The following TP53INP1 variants were observed in gnomAD, a reference collection of about 807,000 sequenced individuals.
TP53INP1 encodes the protein tumor protein p53 inducible nuclear protein 1, also known as tumor protein p53-inducible nuclear protein 1.
A neutral mutation model predicts 21.0 loss-of-function variants in TP53INP1; 12 were observed. The observed-to-expected ratio is 0.57, with a 90% CI of 0.37 to 0.93. The LOEUF is 0.93. TP53INP1 is among the 40% of genes least tolerant of loss of function. TP53INP1 has a pLI of 0.01. For synonymous variants in TP53INP1, 91 were observed against 94.8 expected, an observed-to-expected ratio of 0.96 and a Z score of 0.23; for missense variants, 274 against 294.7, an observed-to-expected ratio of 0.93 and a Z score of 0.51.
At position 94,928,732 on chromosome 8, in the gene TP53INP1, G is replaced by A. The variant is rs1033244243; in HGVS notation, c.*1747C>T. ...ACATTTGACGTCTTCCACTCCAAAC[G>A]CTCTAATCTAGTCAGAAAAGAGCAC... On this transcript the variant is annotated 3_prime_UTR_variant, in exon 4 of 4. Coordinates refer to ENST00000342697, the MANE Select transcript of TP53INP1 (RefSeq NM_033285.4). 4.6e-5 allele frequency: 7 copies of A among 152,182 alleles called. No homozygotes were observed. Among genetic ancestry groups the A allele is most frequent in the Admixed American group, 1.3e-4 (2 of 15,274 alleles). The allele number at this position is 152,182 out of a possible 1,614,324, so 9.4% of individuals were successfully genotyped here. A position where few individuals can be genotyped will look rare whatever the true frequency, so the allele number is the denominator to read the frequency against.
intron 2 of TP53INP1, 102 bp downstream of exon 2, chr8:94,940,728 G>T: frequency 2.5e-6 from 2 of 797,108 alleles, no homozygotes; most frequent in Non-Finnish European, 4.0e-6. Flanking sequence ...TACTTTTAAG[G>T]CTGAAAACCC....
Position 94,940,816 on chromosome 8 carries a change from C to T in TP53INP1, c.112+14G>A. 6.3e-7 allele frequency: 1 copy of T among 1,590,258 alleles called. No individual in the cohort carries two copies. On this transcript the variant is annotated intron_variant, in intron 2 of 3. Transcript: ENST00000342697. Reference sequence around the variant, plus strand: ...CTGTGAAGATGAACCACCAAGTAACCAAGTGTACCTTACCTATGAAGTCAA... The same window carrying T: ...CTGTGAAGATGAACCACCAAGTAACTAAGTGTACCTTACCTATGAAGTCAA...
rs1820171626 is a variant in TP53INP1 at position 94,929,348 on chromosome 8, G to A, written c.*1131C>T. ...AGAGGCCAGAGTGGTTAAAGATTTT[G>A]CCTGAAGTTAAAACAAAAAATGAAA... On this transcript the variant is annotated 3_prime_UTR_variant, in exon 4 of 4. Transcript: ENST00000342697. 1 of 151,896 alleles carries A rather than the reference G, an allele frequency of 6.6e-6. No homozygotes were observed. Among genetic ancestry groups the A allele is most frequent in the African/African-American group, 2.4e-5 (1 of 41,336 alleles). 9.4% of individuals were successfully genotyped at this position (151,896 alleles called of 1,614,324 possible). A position where few individuals can be genotyped will look rare whatever the true frequency, so the allele number is the denominator to read the frequency against.
intron 3 of TP53INP1, 41 bp from the exon 4 acceptor site, chr8:94,930,769 A>G: frequency 6.3e-7 from 1 of 1,595,608 alleles, no homozygotes; most frequent in Non-Finnish European, 8.5e-7. Context: ...ATAACAGAGT[A>G]TGTTATTAAC....
rs181057921 is a variant in TP53INP1 at position 94,940,366 on chromosome 8, C to G, written c.113-146G>C. On this transcript the variant is annotated intron_variant, in intron 2 of 3. Transcript: ENST00000342697. ...AGATGATACTATTAGCTGATGCTCA[C>G]GTATCTTCTTTTATTTAGTTCAGAA... 3.3e-6 allele frequency: 3 copies of G among 915,420 alleles called. No homozygotes were observed. In the Admixed American group the frequency reaches 8.8e-5, roughly 27 times the overall value. 56.7% of individuals were successfully genotyped at this position (915,420 alleles called of 1,614,324 possible). A position where few individuals can be genotyped will look rare whatever the true frequency, so the allele number is the denominator to read the frequency against.
In TP53INP1 at chr8:94,940,059, T is replaced by C. The variant is rs374997492; in HGVS notation, c.274A>G (p.Met92Val). The change falls in exon 3 of 4, where the codon ATG becomes GTG. Residue 92 changes from methionine to valine, a missense_variant. Coordinates refer to ENST00000342697, the MANE Select transcript of TP53INP1 (RefSeq NM_033285.4). ...SCFLQFESCP[M>V]EESWFITPPP... Reference sequence around the variant, plus strand: ...GGGGTGATAAACCAGCTCTCCTCCATTGGACATGACTCAAACTGGAGAAAG... The same window carrying C: ...GGGGTGATAAACCAGCTCTCCTCCACTGGACATGACTCAAACTGGAGAAAG... The C allele has an allele frequency of 3.2e-5, 52 of 1,614,224 alleles. No homozygotes were observed. The highest frequency in any genetic ancestry group is 3.3e-4 in the Middle Eastern group (2 of 6,062).
intron 1 of TP53INP1, among the ~76,000 whole-genome samples, chr8:94,941,503 C>A (rs1240945022): frequency 6.6e-6 from 1 of 152,220 alleles, no homozygotes; most frequent in Non-Finnish European, 1.5e-5. Flanking sequence ...CCTCATCCTC[C>A]TCTGGCTCAT....
Position 94,933,184 on chromosome 8 carries a change from C to T in TP53INP1, c.474-2456G>A, listed in dbSNP as rs377526806. 5.2e-4 allele frequency among the ~76,000 whole-genome samples: 79 copies of T among 152,308 alleles called. No homozygotes were observed. The South Asian group carries it at 0.01, about 20-fold the overall frequency. On this transcript the variant is annotated intron_variant, in intron 3 of 3. Coordinates refer to ENST00000342697, the MANE Select transcript of TP53INP1 (RefSeq NM_033285.4). ...TGAGCCGAGATTGCGCCGCTGCAATCCAGCCTGGGCAACAGTGAGACTCCG... is the reference window on the plus strand; with the variant it reads ...TGAGCCGAGATTGCGCCGCTGCAATTCAGCCTGGGCAACAGTGAGACTCCG...
In TP53INP1 at chr8:94,927,723, G is replaced by A. The variant is rs1397724357; in HGVS notation, c.*2756C>T. The A allele has an allele frequency of 3.9e-5, 6 of 152,244 alleles. No homozygotes were observed. The highest frequency in any genetic ancestry group is 1.9e-4 in the East Asian group (1 of 5,190). The allele number at this position is 152,244 out of a possible 1,614,324, so 9.4% of individuals were successfully genotyped here. ...AAAAACAAACTTTGAGAAACATGGC[G>A]CACTATAAAAGCTAAGAAACTCATT... On this transcript the variant is annotated 3_prime_UTR_variant, in exon 4 of 4. Transcript: ENST00000342697.
At chr8:94,934,011 AG>A (rs1395083819) in intron 3 of TP53INP1, among the ~76,000 whole-genome samples, 1 of 151,796 alleles carries the variant, frequency 6.6e-6, no homozygotes, top group African/African-American at 2.4e-5. Context: ...CGGGAGGCAG[AG>A]GTTGCAGTGA....
Position 94,930,719 on chromosome 8 carries a change from A to G in TP53INP1, c.483T>C (p.Ala161=), listed in dbSNP as rs550171438. 1.2e-6 allele frequency: 2 copies of G among 1,614,074 alleles called. No homozygotes were observed. The highest frequency in any genetic ancestry group is 4.5e-5 in the East Asian group (2 of 44,896). Residue 161 remains alanine (A), a synonymous_variant, in exon 4 of 4, where the codon GCT becomes GCC. Coordinates refer to ENST00000342697, the MANE Select transcript of TP53INP1 (RefSeq NM_033285.4). ...LHSPSSPRVE[A]QNEMGQHIHC... The stretch of plus-strand genomic sequence containing the variant: ...GAATATGCTGCCCCATTTCATTTTG[A>G]GCTTCCACTCTGAAACAGAAAAAAG...
In TP53INP1 at chr8:94,930,268, A is replaced by G. The variant is rs1820259700; in HGVS notation, c.*211T>C. 1 of 594,492 alleles carries G rather than the reference A, an allele frequency of 1.7e-6. No homozygotes were observed. The highest frequency in any genetic ancestry group is 2.8e-6 in the Non-Finnish European group (1 of 354,624). 36.8% of individuals were successfully genotyped at this position (594,492 alleles called of 1,614,324 possible). On this transcript the variant is annotated 3_prime_UTR_variant, in exon 4 of 4. Transcript: ENST00000342697. ...TATGTTTCCAGAAATAATCTGAAAA[A>G]GTGTACAAAAAAAGTAAATGTTAAA... is the stretch of plus-strand genomic sequence containing the variant.
chr8:94,933,765 A>T (rs1247274339), intron 3 of TP53INP1, among the ~76,000 whole-genome samples: 1 of 149,040 alleles, frequency 6.7e-6, no homozygotes, highest in Non-Finnish European at 1.5e-5. Context: ...ACTCTCTCAA[A>T]AAAAACCCCC....
chr8:94,947,733 A>G (rs1409465785), intron 1 of TP53INP1, among the ~76,000 whole-genome samples: 1 of 152,230 alleles, frequency 6.6e-6, no homozygotes, highest in Non-Finnish European at 1.5e-5. Flanking sequence ...GTGGTAATTC[A>G]TAGCCTGATA....
chr8:94,930,245 T>A lies in TP53INP1; in HGVS notation c.*234A>T, dbSNP rs1025194903. 4 of 537,036 alleles carry A rather than the reference T, an allele frequency of 7.4e-6. No homozygotes were observed. In the Admixed American group the frequency reaches 1.1e-4, roughly 14 times the overall value. 33.3% of individuals were successfully genotyped at this position (537,036 alleles called of 1,614,324 possible). Reference sequence around the variant, plus strand: ...CCCAAACACTGTAATTATATTGATATGTTTCCAGAAATAATCTGAAAAAGT... The same window carrying A: ...CCCAAACACTGTAATTATATTGATAAGTTTCCAGAAATAATCTGAAAAAGT... On this transcript the variant is annotated 3_prime_UTR_variant, in exon 4 of 4. Transcript: ENST00000342697.
At chr8:94,944,846 C>A (rs1262194442) in intron 1 of TP53INP1, among the ~76,000 whole-genome samples, 2 of 152,276 alleles carry the variant, frequency 1.3e-5, no homozygotes, top group East Asian at 3.9e-4. Context: ...GCTGAATCAC[C>A]TCGTCACTCT....
chr8:94,935,808 A>G (rs1025425869), intron 3 of TP53INP1, among the ~76,000 whole-genome samples: 9 of 152,256 alleles, frequency 5.9e-5, no homozygotes, highest in African/African-American at 2.2e-4. Context: ...CTTTACGTAA[A>G]GAAGTTATAT....
chr8:94,945,034 C>G (rs576073474), intron 1 of TP53INP1, among the ~76,000 whole-genome samples: 204 of 152,302 alleles, frequency 1.3e-3, no homozygotes, highest in African/African-American at 4.7e-3. Flanking sequence ...CACATGAACA[C>G]TTGAAATGTG....
rs71273438 is a variant in TP53INP1, at chr8:94,946,696, CAAAAAAA to C, written c.-151+2451_-151+2457del. ...TGGTCAACAGAGTAAGACCCTGTCTCAAAAAAAAAAAAAAAAAAAAAAAAGACAGGCC... is the reference window on the plus strand; with the variant it reads ...TGGTCAACAGAGTAAGACCCTGTCTCAAAAAAAAAAAAAAAAAGACAGGCC... On this transcript the variant is annotated intron_variant, in intron 1 of 3. Transcript: ENST00000342697. 1.2e-3 allele frequency among the ~76,000 whole-genome samples: 41 copies of C among 34,696 alleles called. 3 individuals are homozygous for C. Among genetic ancestry groups the C allele is most frequent in the Middle Eastern group, 0.019 (1 of 52 alleles). 22.8% of individuals were successfully genotyped at this position (34,696 alleles called of 152,430 possible).
Sources: allele counts gnomAD v4.1 joint callset (sites outside exome capture counted in the v4.1 genomes callset), GRCh38; gene constraint gnomAD v4.1.1; transcripts MANE v1.5; gene names NCBI Gene and HGNC (gene_info 2026-07-23, HGNC 2026-07-21).